Variants in PLXDC2 observed in about 807,000 individuals in gnomAD.
The protein encoded by PLXDC2 is plexin domain containing 2.
In PLXDC2, 40 loss-of-function variants were observed where a neutral mutation model predicts 68.9. That is an observed-to-expected ratio of 0.58 (90% CI 0.45 to 0.76). The LOEUF (loss-of-function observed/expected upper bound fraction) is 0.76, where lower values mean the gene tolerates loss of function less well. Among genes scored for constraint, PLXDC2 ranks in the 30% least tolerant of loss-of-function variants. The probability of loss-of-function intolerance (pLI) is 0.00; values close to 1 mark genes in which losing one functional copy is unlikely to be tolerated. For missense variants in PLXDC2, 644 were observed against 661.9 expected (o/e 0.97, Z 0.30); for synonymous variants, 243 against 234.2 (o/e 1.04, Z -0.34).
chr10:20,233,144 C>A (rs377635152), intron 12 of PLXDC2, among the ~76,000 whole-genome samples: 29 of 151,896 alleles, frequency 1.9e-4, no homozygotes, highest in African/African-American at 6.3e-4. Flanking sequence ...TATAGTTGCA[C>A]GAGTTGTATA....
intron 1 of PLXDC2, among the ~76,000 whole-genome samples, chr10:19,997,587 CTATT>C (rs535426115): frequency 1.7e-3 from 265 of 152,236 alleles, no homozygotes; most frequent in Non-Finnish European, 2.9e-3. Context: ...CAGCAAATAA[CTATT>C]AATTAAATGC....
At chr10:19,876,538 G>A (rs1244762237) in intron 1 of PLXDC2, among the ~76,000 whole-genome samples, 1 of 145,140 alleles carries the variant, frequency 6.9e-6, no homozygotes, top group South Asian at 2.2e-4. Context: ...GGAGGCAGAG[G>A]TTACAGTGAG....
At chr10:19,881,575 A>G (rs1457749386) in intron 1 of PLXDC2, among the ~76,000 whole-genome samples, 1 of 152,190 alleles carries the variant, frequency 6.6e-6, no homozygotes, top group South Asian at 2.1e-4. Flanking sequence ...ACTGATGGAC[A>G]TCATATATAT....
intron 9 of PLXDC2, among the ~76,000 whole-genome samples, chr10:20,200,728 T>C (rs921398642): frequency 3.3e-5 from 5 of 152,066 alleles, no homozygotes; most frequent in Admixed American, 1.3e-4. Flanking sequence ...TGAACAGATA[T>C]TTCTCAAAAG....
At chr10:20,101,879 C>T (rs1464439720) in intron 4 of PLXDC2, among the ~76,000 whole-genome samples, 2 of 151,882 alleles carry the variant, frequency 1.3e-5, no homozygotes, top group African/African-American at 2.4e-5. Context: ...CTCACTGCAA[C>T]CTCCACCTCC....
intron 1 of PLXDC2, among the ~76,000 whole-genome samples, chr10:19,938,117 A>G (rs963396091): frequency 6.6e-6 from 1 of 152,088 alleles, no homozygotes; most frequent in Non-Finnish European, 1.5e-5. Flanking sequence ...GATTGTATAC[A>G]TTACATACAG....
At chr10:20,221,266 A>G (rs543660919) in intron 12 of PLXDC2, among the ~76,000 whole-genome samples, 1 of 151,760 alleles carries the variant, frequency 6.6e-6, no homozygotes, top group East Asian at 1.9e-4. Context: ...TGAGCCATCA[A>G]AGAATCATAA....
At chr10:20,164,619 T>A in intron 7 of PLXDC2, 52 bp downstream of exon 7, 1 of 1,381,056 alleles carries the variant, frequency 7.2e-7, no homozygotes, top group Non-Finnish European at 1.0e-6. Flanking sequence ...GGGGTAAATT[T>A]AAAGGAGATT....
chr10:19,945,825 A>G (rs1833892009), intron 1 of PLXDC2, among the ~76,000 whole-genome samples: 1 of 152,186 alleles, frequency 6.6e-6, no homozygotes, highest in Admixed American at 6.5e-5. Context: ...AGTGTGACAA[A>G]GCCCCCAGTT....
intron 13 of PLXDC2, among the ~76,000 whole-genome samples, chr10:20,246,942 G>A (rs1266397713): frequency 6.6e-6 from 1 of 152,084 alleles, no homozygotes; most frequent in African/African-American, 2.4e-5. Context: ...TTGCTTAAAT[G>A]TCCTTGATAG....
chr10:19,985,880 C>T (rs1834628501), intron 1 of PLXDC2, among the ~76,000 whole-genome samples: 1 of 152,118 alleles, frequency 6.6e-6, no homozygotes, highest in African/African-American at 2.4e-5. Flanking sequence ...TCTGCAAGGC[C>T]CTGGGGGATA....
At chr10:20,010,219 G>T (rs1564655733) in intron 2 of PLXDC2, among the ~76,000 whole-genome samples, 1 of 152,070 alleles carries the variant, frequency 6.6e-6, no homozygotes, top group African/African-American at 2.4e-5. Context: ...CTTCCACTCT[G>T]TGTTGCCAAA....
At chr10:19,960,834 A>C (rs924769303) in intron 1 of PLXDC2, among the ~76,000 whole-genome samples, 5 of 152,178 alleles carry the variant, frequency 3.3e-5, no homozygotes, top group Non-Finnish European at 7.3e-5. Context: ...ATCAGTTGCT[A>C]TTTGCATAAT....
intron 1 of PLXDC2, among the ~76,000 whole-genome samples, chr10:19,980,073 T>C (rs530916007): frequency 6.6e-6 from 1 of 152,362 alleles, no homozygotes; most frequent in Admixed American, 6.5e-5. Flanking sequence ...AGCCTCTGAC[T>C]TCGTGTTTCA....
At chr10:19,858,696 A>T (rs1837261912) in intron 1 of PLXDC2, among the ~76,000 whole-genome samples, 1 of 152,050 alleles carries the variant, frequency 6.6e-6, no homozygotes. Context: ...AGTGTTGGGG[A>T]TAGTGAGTAT....
intron 1 of PLXDC2, among the ~76,000 whole-genome samples, chr10:19,819,031 T>TACACACACACACACACACAC (rs63295361): frequency 7.4e-5 from 11 of 147,724 alleles, no homozygotes; most frequent in African/African-American, 2.8e-4. Context: ...AATATATGTA[T>TACACACACACACACACACAC]ACACACACAC....
intron 1 of PLXDC2, among the ~76,000 whole-genome samples, chr10:19,832,549 A>G (rs1836715037): frequency 6.6e-6 from 1 of 152,222 alleles, no homozygotes; most frequent in Admixed American, 6.5e-5. Context: ...ATATCTTTGT[A>G]AAGTTCAATT....
intron 1 of PLXDC2, among the ~76,000 whole-genome samples, chr10:19,822,427 A>AT (rs1589484288): frequency 6.6e-6 from 1 of 152,086 alleles, no homozygotes; most frequent in Non-Finnish European, 1.5e-5. Flanking sequence ...TAATGCTTCA[A>AT]TTAACATGGG....
intron 12 of PLXDC2, among the ~76,000 whole-genome samples, chr10:20,220,353 G>C (rs1835193085): frequency 6.6e-6 from 1 of 152,158 alleles, no homozygotes. Flanking sequence ...TGAGGGAAGA[G>C]ATGGGGTATA....
Sources: allele counts gnomAD v4.1 joint callset (sites outside exome capture counted in the v4.1 genomes callset), GRCh38; gene constraint gnomAD v4.1.1; transcripts MANE v1.5; gene names NCBI Gene and HGNC (gene_info 2026-07-23, HGNC 2026-07-21).